Variants in ARID1B observed in about 807,000 individuals in gnomAD.
The protein encoded by ARID1B is AT-rich interaction domain 1B.
In ARID1B, 30 loss-of-function variants were observed where a neutral mutation model predicts 212.3. That is an observed-to-expected ratio of 0.14 (90% CI 0.11 to 0.19). ARID1B has a LOEUF of 0.19. ARID1B is among the 10% of genes least tolerant of loss of function. The pLI is 1.00. For synonymous variants in ARID1B, 1,402 were observed against 1,301.7 expected, an observed-to-expected ratio of 1.08 and a Z score of -1.66; for missense variants, 2,891 against 3,204.0, an observed-to-expected ratio of 0.90 and a Z score of 2.36.
chr6:156,909,882 G>T (rs1279264936), intron 3 of ARID1B, among the ~76,000 whole-genome samples: 1 of 152,222 alleles, frequency 6.6e-6, no homozygotes, highest in Non-Finnish European at 1.5e-5. Context: ...CCTCTAGGTG[G>T]TTCTAGCCCC....
At chr6:157,050,845 C>T (rs886249366) in intron 4 of ARID1B, among the ~76,000 whole-genome samples, 1 of 152,164 alleles carries the variant, frequency 6.6e-6, no homozygotes, top group African/African-American at 2.4e-5. Flanking sequence ...TTAATAGATG[C>T]ACATATATGT....
At chr6:157,022,079 G>C (rs548619743) in intron 4 of ARID1B, among the ~76,000 whole-genome samples, 1 of 152,240 alleles carries the variant, frequency 6.6e-6, no homozygotes, top group Non-Finnish European at 1.5e-5. Flanking sequence ...GAAAAGCCAG[G>C]AACTACAGAC....
chr6:157,059,146 G>A lies in ARID1B; in HGVS notation c.2248-25516G>A, dbSNP rs961083266. Among the ~76,000 whole-genome samples the A allele has an allele frequency of 1.3e-4, 19 of 142,368 alleles. 1 individual carries two copies. The highest frequency in any genetic ancestry group is 4.3e-4 in the African/African-American group (14 of 32,346). The allele number at this position is 142,368 out of a possible 152,430, so 93.4% of individuals were successfully genotyped here. ...TGGCATGAGAAAAGATTTAAGAGAC[G>A]ATATATTGATTAGTTGTGTATCTTT... On this transcript the variant is annotated intron_variant, in intron 4 of 19. Transcript: ENST00000636930.
At chr6:156,824,865 T>G (rs1290664211) in intron 1 of ARID1B, among the ~76,000 whole-genome samples, 2 of 149,678 alleles carry the variant, frequency 1.3e-5, no homozygotes, top group African/African-American at 2.4e-5. Flanking sequence ...TAGATTTGAT[T>G]TTTTTTTTTT....
intron 4 of ARID1B, chr6:156,937,511 C>T (rs765017202): frequency 6.6e-6 from 1 of 152,222 alleles, no homozygotes; most frequent in Non-Finnish European, 1.5e-5. Flanking sequence ...TTCTTCATAT[C>T]TACTCAGAAA....
chr6:156,791,160 T>G (rs1779983324), intron 1 of ARID1B, among the ~76,000 whole-genome samples: 1 of 152,254 alleles, frequency 6.6e-6, no homozygotes, highest in Non-Finnish European at 1.5e-5. Flanking sequence ...GTTAAGATAT[T>G]TGAGCCAGCT....
At chr6:156,855,325 TGA>T (rs1784838942) in intron 2 of ARID1B, among the ~76,000 whole-genome samples, 1 of 152,256 alleles carries the variant, frequency 6.6e-6, no homozygotes, top group Non-Finnish European at 1.5e-5. Context: ...GAATTTACAC[TGA>T]GAGTAGACTT....
intron 5 of ARID1B, among the ~76,000 whole-genome samples, chr6:157,088,033 A>G (rs1785060558): frequency 6.6e-6 from 1 of 152,262 alleles, no homozygotes; most frequent in South Asian, 2.1e-4. Context: ...CAATAGATGC[A>G]GTATAAAATC....
intron 4 of ARID1B, among the ~76,000 whole-genome samples, chr6:157,076,432 C>T (rs902034444): frequency 1.3e-5 from 2 of 151,562 alleles, no homozygotes; most frequent in African/African-American, 4.8e-5. Flanking sequence ...AAGCAATATT[C>T]CTGCCTAATT....
intron 5 of ARID1B, among the ~76,000 whole-genome samples, chr6:157,095,328 G>C (rs1242717056): frequency 6.6e-6 from 1 of 152,242 alleles, no homozygotes; most frequent in East Asian, 1.9e-4. Flanking sequence ...TAATCGGTCT[G>C]ACACGGGGTA....
At chr6:156,917,475 A>G (rs139124615) in intron 3 of ARID1B, among the ~76,000 whole-genome samples, 216 of 152,176 alleles carry the variant, frequency 1.4e-3, no homozygotes, top group Non-Finnish European at 2.5e-3. Context: ...CTGTGATTCT[A>G]GTGTTGTGAG....
At chr6:156,780,262 T>C (rs1194912803) in intron 1 of ARID1B, 1 of 152,236 alleles carries the variant, frequency 6.6e-6, no homozygotes, top group Non-Finnish European at 1.5e-5. Context: ...ATTGAACTTA[T>C]TTTGATCATG....
intron 7 of ARID1B, among the ~76,000 whole-genome samples, chr6:157,146,117 T>C (rs1583397627): frequency 6.6e-6 from 1 of 151,990 alleles, no homozygotes; most frequent in African/African-American, 2.4e-5. Flanking sequence ...CCAGTGGCTG[T>C]CCCAAGTCAG....
At chr6:156,810,904 A>G (rs557648832) in intron 1 of ARID1B, among the ~76,000 whole-genome samples, 1 of 152,314 alleles carries the variant, frequency 6.6e-6, no homozygotes, top group African/African-American at 2.4e-5. Flanking sequence ...AAGAACACAC[A>G]TCGATTATGT....
chr6:156,857,710 T>C (rs1039567303), intron 2 of ARID1B, among the ~76,000 whole-genome samples: 3 of 152,264 alleles, frequency 2.0e-5, no homozygotes, highest in African/African-American at 7.2e-5. Flanking sequence ...TATACAGTCA[T>C]GTTGCTTAAC....
chr6:156,978,984 AT>A (rs1343354759), intron 4 of ARID1B, among the ~76,000 whole-genome samples: 2 of 152,320 alleles, frequency 1.3e-5, no homozygotes, highest in African/African-American at 4.8e-5. Context: ...TGATAAATCC[AT>A]TTTAATGCTA....
intron 4 of ARID1B, among the ~76,000 whole-genome samples, chr6:157,079,241 T>C (rs1487832545): frequency 6.6e-6 from 1 of 152,214 alleles, no homozygotes; most frequent in Non-Finnish European, 1.5e-5. Context: ...TTTTTTAATG[T>C]GGTCTAAGAT....
At chr6:157,048,064 TTC>T (rs1400113491) in intron 4 of ARID1B, among the ~76,000 whole-genome samples, 1 of 152,224 alleles carries the variant, frequency 6.6e-6, no homozygotes, top group Non-Finnish European at 1.5e-5. Flanking sequence ...TTAAAGCAGA[TTC>T]TGTTTCTTCA....
In ARID1B at chr6:156,785,605, T is replaced by G. The variant is rs150320480; in HGVS notation, c.1791+6134T>G. On this transcript the variant is annotated intron_variant, in intron 1 of 19. Coordinates refer to ENST00000636930, the MANE Select transcript of ARID1B (RefSeq NM_001374828.1). The stretch of plus-strand genomic sequence containing the variant: ...AACCATTTTTAGGCATACATTCCAG[T>G]GGCATTAAGTACATTGTCATTGTTG... Among the ~76,000 whole-genome samples, 125 of 152,282 alleles carry G rather than the reference T, an allele frequency of 8.2e-4. 1 individual carries two copies. The highest frequency in any genetic ancestry group is 1.3e-3 in the Non-Finnish European group (91 of 68,032).
Sources: gnomAD v4.1 joint callset for allele counts (sites outside exome capture counted in the v4.1 genomes callset) on GRCh38, gnomAD v4.1.1 for gene constraint, MANE v1.5 for transcripts, NCBI Gene and HGNC (gene_info 2026-07-23, HGNC 2026-07-21) for gene names.